The following GRIK1 variants were observed in gnomAD, a reference collection of about 807,000 sequenced individuals.
GRIK1 encodes glutamate ionotropic receptor kainate type subunit 1.
A neutral mutation model predicts 105.7 loss-of-function variants in GRIK1; 69 were observed. The ratio of observed to expected loss-of-function variants is 0.65; its 90% CI spans 0.54 to 0.80. The LOEUF is 0.80. GRIK1 is among the 30% of genes least tolerant of loss of function. The probability of loss-of-function intolerance (pLI) is 0.00; values close to 1 mark genes in which losing one functional copy is unlikely to be tolerated. For synonymous variants in GRIK1, 438 were observed against 431.3 expected (o/e 1.02, Z -0.19); for missense variants, 1,109 against 1,167.3 (o/e 0.95, Z 0.73).
rs1487794473 is a variant in GRIK1, at chr21:29,614,182, T to C, written c.1099-15245A>G. 2.0e-5 allele frequency among the ~76,000 whole-genome samples: 3 copies of C among 152,260 alleles called. No homozygotes were observed. In the East Asian group the frequency reaches 5.8e-4, roughly 29 times the overall value. ...GCAATCCAAAGCTCATACATTAATATGGATCTGAAGGAGGCCTGTAAGTAC... is the reference window on the plus strand; with the variant it reads ...GCAATCCAAAGCTCATACATTAATACGGATCTGAAGGAGGCCTGTAAGTAC... On this transcript the variant is annotated intron_variant, in intron 7 of 17. Transcript: ENST00000327783.
chr21:29,552,970 T>C (rs2090159975), intron 16 of GRIK1, among the ~76,000 whole-genome samples: 1 of 152,146 alleles, frequency 6.6e-6, no homozygotes, highest in African/African-American at 2.4e-5. Flanking sequence ...TCACGGTTTT[T>C]AAATCTTTAA....
chr21:29,617,406 G>A (rs2061877895), intron 7 of GRIK1, among the ~76,000 whole-genome samples: 1 of 152,152 alleles, frequency 6.6e-6, no homozygotes, highest in Non-Finnish European at 1.5e-5. Context: ...GCAAGTTTGA[G>A]CAATCAGTAC....
chr21:29,542,609 T>A lies in GRIK1; in HGVS notation c.2608-4725A>T, dbSNP rs192403941. 2.9e-3 allele frequency among the ~76,000 whole-genome samples: 442 copies of A among 152,352 alleles called. 1 individual carries two copies. Among genetic ancestry groups the A allele is most frequent in the Non-Finnish European group, 5.1e-3 (347 of 68,016 alleles). ...CTAGACTATATGGAATTGACTTTCA[T>A]ACTGGTTGCAAACTTGACATCAGAT... On this transcript the variant is annotated intron_variant, in intron 16 of 17. Transcript: ENST00000327783.
At chr21:29,668,428 T>G (rs2063100395) in intron 4 of GRIK1, among the ~76,000 whole-genome samples, 1 of 152,140 alleles carries the variant, frequency 6.6e-6, no homozygotes, top group Non-Finnish European at 1.5e-5. Flanking sequence ...CAACCGCAAG[T>G]GCAAAGGCTA....
intron 7 of GRIK1, among the ~76,000 whole-genome samples, chr21:29,620,111 G>C (rs752978462): frequency 6.6e-6 from 1 of 152,178 alleles, no homozygotes; most frequent in Non-Finnish European, 1.5e-5. Context: ...TATAAGGCTA[G>C]TATAAAGCCT....
At chr21:29,620,990 A>G (rs1025940671) in intron 7 of GRIK1, among the ~76,000 whole-genome samples, 1 of 150,992 alleles carries the variant, frequency 6.6e-6, no homozygotes, top group South Asian at 2.1e-4. Flanking sequence ...AAAAAAATAT[A>G]TATCTTATAT....
At position 29,652,181 on chromosome 21, in the gene GRIK1, C is replaced by T. The variant is rs147839727; in HGVS notation, c.781-890G>A. On this transcript the variant is annotated intron_variant, in intron 5 of 17. Coordinates refer to ENST00000327783, the MANE Select transcript of GRIK1 (RefSeq NM_001330994.2). ...TGCTTTTATTTTACAGATGAAGAAA[C>T]TGAGGTTCTGAGTGGTGATGTGATC... 6.8e-3 allele frequency among the ~76,000 whole-genome samples: 1,040 copies of T among 152,202 alleles called. 39 individuals carry two copies. The highest frequency in any genetic ancestry group is 0.05 in the Admixed American group (764 of 15,292).
At chr21:29,925,460 T>C in intron 1 of GRIK1, among the ~76,000 whole-genome samples, 1 of 152,184 alleles carries the variant, frequency 6.6e-6, no homozygotes, top group East Asian at 1.9e-4. Flanking sequence ...AAAATATTTT[T>C]AGAATAAGAC....
intron 1 of GRIK1, among the ~76,000 whole-genome samples, chr21:29,795,450 C>T (rs995604513): frequency 6.6e-6 from 1 of 152,158 alleles, no homozygotes; most frequent in African/African-American, 2.4e-5. Flanking sequence ...TGCTCAGGTT[C>T]CTGATCTCCC....
At chr21:29,858,146 A>G (rs537937531) in intron 1 of GRIK1, among the ~76,000 whole-genome samples, 1 of 152,108 alleles carries the variant, frequency 6.6e-6, no homozygotes, top group African/African-American at 2.4e-5. Flanking sequence ...TGATCTGCCC[A>G]CTTCGGTCTC....
At chr21:29,826,392 A>G (rs1458342382) in intron 1 of GRIK1, among the ~76,000 whole-genome samples, 4 of 152,108 alleles carry the variant, frequency 2.6e-5, no homozygotes, top group Non-Finnish European at 5.9e-5. Context: ...TTGTTTTCAG[A>G]TAAGATTGAC....
chr21:29,566,639 T>C (rs2090617086), intron 14 of GRIK1, among the ~76,000 whole-genome samples: 2 of 152,214 alleles, frequency 1.3e-5, no homozygotes, highest in Non-Finnish European at 1.5e-5. Flanking sequence ...GCATTAAAAA[T>C]TACTTATTGA....
chr21:29,872,318 C>T (rs959245747), intron 1 of GRIK1, among the ~76,000 whole-genome samples: 3 of 151,786 alleles, frequency 2.0e-5, no homozygotes, highest in African/African-American at 4.8e-5. Flanking sequence ...CTCAGCCTCC[C>T]GAGTAGCTGG....
chr21:29,921,075 G>C (rs2146324883), intron 1 of GRIK1, among the ~76,000 whole-genome samples: 1 of 152,154 alleles, frequency 6.6e-6, no homozygotes, highest in Admixed American at 6.6e-5. Flanking sequence ...TGTTGTGGAG[G>C]CTACCCTGTG....
At chr21:29,733,528 A>G (rs769328590) in intron 1 of GRIK1, among the ~76,000 whole-genome samples, 6 of 152,076 alleles carry the variant, frequency 3.9e-5, no homozygotes, top group Non-Finnish European at 7.4e-5. Context: ...AAATTGTTGT[A>G]ATTAAATTTG....
At chr21:29,776,997 C>A (rs569830411) in intron 1 of GRIK1, among the ~76,000 whole-genome samples, 3 of 152,082 alleles carry the variant, frequency 2.0e-5, no homozygotes, top group Non-Finnish European at 2.9e-5. Context: ...AAGGGAAGTA[C>A]AAGACTGGTC....
At chr21:29,880,805 G>T (rs1181585301) in intron 1 of GRIK1, among the ~76,000 whole-genome samples, 1 of 152,092 alleles carries the variant, frequency 6.6e-6, no homozygotes, top group Admixed American at 6.6e-5. Flanking sequence ...CAGGAGCAGG[G>T]CATGAGCTCA....
At chr21:29,807,224 C>A (rs2066887452) in intron 1 of GRIK1, among the ~76,000 whole-genome samples, 2 of 152,090 alleles carry the variant, frequency 1.3e-5, no homozygotes, top group Admixed American at 6.6e-5. Flanking sequence ...TATGGAGAGC[C>A]AATGATGTAT....
At chr21:29,784,425 A>G (rs2066205268) in intron 1 of GRIK1, among the ~76,000 whole-genome samples, 1 of 152,206 alleles carries the variant, frequency 6.6e-6, no homozygotes, top group Non-Finnish European at 1.5e-5. Flanking sequence ...ATTTCTACCA[A>G]CAAGGGATCA....
Sources: gnomAD v4.1 joint callset for allele counts (sites outside exome capture counted in the v4.1 genomes callset) on GRCh38, gnomAD v4.1.1 for gene constraint, MANE v1.5 for transcripts, NCBI Gene and HGNC (gene_info 2026-07-23, HGNC 2026-07-21) for gene names.